RCAN2: variants seen among roughly 807,000 people sequenced by gnomAD.
The protein encoded by RCAN2 is calcipressin-2.
In RCAN2, 9 loss-of-function variants were observed where a neutral mutation model predicts 23.6. The observed-to-expected ratio is 0.38, with a 90% CI of 0.23 to 0.67. The LOEUF is 0.67. Among genes scored for constraint, RCAN2 ranks in the 30% least tolerant of loss-of-function variants. The pLI is 0.51. For missense variants in RCAN2, 273 were observed against 302.3 expected, an observed-to-expected ratio of 0.90 and a Z score of 0.72; for synonymous variants, 109 against 115.7, an observed-to-expected ratio of 0.94 and a Z score of 0.37.
At chr6:46,385,576 G>C (rs959966374) in intron 2 of RCAN2, among the ~76,000 whole-genome samples, 5 of 152,090 alleles carry the variant, frequency 3.3e-5, no homozygotes, top group Admixed American at 6.5e-5. Flanking sequence ...TAAATGTAGG[G>C]CTGGGCACAG....
intron 2 of RCAN2, among the ~76,000 whole-genome samples, chr6:46,431,662 C>T (rs1164967519): frequency 6.6e-6 from 1 of 152,174 alleles, no homozygotes; most frequent in Non-Finnish European, 1.5e-5. Context: ...TAAAAGTCCT[C>T]ACATAAATAA....
chr6:46,344,173 T>C (rs1328201311), intron 2 of RCAN2, among the ~76,000 whole-genome samples: 2 of 152,226 alleles, frequency 1.3e-5, no homozygotes, highest in Admixed American at 6.5e-5. Context: ...CATTGAGTTA[T>C]ACACATAAAA....
At chr6:46,267,317 A>T (rs1033970146) in intron 2 of RCAN2, among the ~76,000 whole-genome samples, 3 of 152,234 alleles carry the variant, frequency 2.0e-5, no homozygotes, top group African/African-American at 7.2e-5. Context: ...TACATTAAAG[A>T]TAATCACTGT....
intron 1 of RCAN2, among the ~76,000 whole-genome samples, chr6:46,472,317 C>T (rs995991052): frequency 3.3e-5 from 5 of 152,128 alleles, no homozygotes; most frequent in Admixed American, 6.5e-5. Context: ...TGTTTCCTGA[C>T]ATAAAAGCAC....
At position 46,410,494 on chromosome 6, in the gene RCAN2, AAAC is replaced by A. The variant is rs147622455; in HGVS notation, c.225+46255_225+46257del. ...ATTGGTGAGAAAAATTCAGAGCAGG[AAAC>A]AACAAGTGAAGTATTTGACATCGTC... On this transcript the variant is annotated intron_variant, in intron 2 of 4. Transcript: ENST00000371374. Among the ~76,000 whole-genome samples, 1,176 of 152,338 alleles carry A rather than the reference AAAC, an allele frequency of 7.7e-3. 8 individuals carry two copies. Among genetic ancestry groups the A allele is most frequent in the African/African-American group, 0.022 (920 of 41,572 alleles).
intron 1 of RCAN2, among the ~76,000 whole-genome samples, chr6:46,465,774 C>T (rs1255256973): frequency 2.0e-5 from 3 of 152,162 alleles, no homozygotes; most frequent in African/African-American, 2.4e-5. Context: ...GCACAGGGCG[C>T]AGTGCAGAGG....
intron 1 of RCAN2, among the ~76,000 whole-genome samples, chr6:46,485,125 A>T (rs1365508381): frequency 6.6e-6 from 1 of 152,198 alleles, no homozygotes; most frequent in Non-Finnish European, 1.5e-5. Context: ...CATAGAAAAA[A>T]ATTGTGCTCA....
At chr6:46,279,381 T>C (rs1428326491) in intron 2 of RCAN2, among the ~76,000 whole-genome samples, 1 of 152,218 alleles carries the variant, frequency 6.6e-6, no homozygotes, top group African/African-American at 2.4e-5. Context: ...TGCTTTAACC[T>C]TGGCACTATT....
intron 1 of RCAN2, among the ~76,000 whole-genome samples, chr6:46,469,746 C>T (rs915636098): frequency 6.6e-6 from 1 of 152,130 alleles, no homozygotes; most frequent in Non-Finnish European, 1.5e-5. Flanking sequence ...GGTGTTGAAA[C>T]TTAATGGCCA....
At chr6:46,476,178 G>A (rs2150444409) in intron 1 of RCAN2, among the ~76,000 whole-genome samples, 1 of 152,254 alleles carries the variant, frequency 6.6e-6, no homozygotes, top group East Asian at 1.9e-4. Flanking sequence ...GAAAACTGAA[G>A]CTCAGTTGCT....
At chr6:46,267,387 A>G (rs188696478) in intron 2 of RCAN2, among the ~76,000 whole-genome samples, 1 of 152,312 alleles carries the variant, frequency 6.6e-6, no homozygotes, top group East Asian at 1.9e-4. Context: ...ATCAGAAAAA[A>G]AGAATTAAAG....
intron 2 of RCAN2, among the ~76,000 whole-genome samples, chr6:46,343,897 C>A (rs1764407616): frequency 6.6e-6 from 1 of 152,068 alleles, no homozygotes; most frequent in Non-Finnish European, 1.5e-5. Context: ...GTTTATTCAT[C>A]AATTAAAAGG....
At chr6:46,368,484 G>C (rs895139714) in intron 2 of RCAN2, among the ~76,000 whole-genome samples, 3 of 152,110 alleles carry the variant, frequency 2.0e-5, no homozygotes, top group Admixed American at 2.0e-4. Flanking sequence ...AGGCAATTTT[G>C]TTATTGTATG....
chr6:46,283,109 C>T (rs1449080483), intron 2 of RCAN2, among the ~76,000 whole-genome samples: 1 of 152,092 alleles, frequency 6.6e-6, no homozygotes, highest in Non-Finnish European at 1.5e-5. Flanking sequence ...GGCTGAGTGA[C>T]CAAGGCAGCA....
intron 2 of RCAN2, among the ~76,000 whole-genome samples, chr6:46,417,350 G>C (rs1766740774): frequency 1.3e-5 from 2 of 152,136 alleles, no homozygotes; most frequent in South Asian, 2.1e-4. Context: ...TTACCTCAAA[G>C]AGCTCTCACG....
intron 4 of RCAN2, among the ~76,000 whole-genome samples, chr6:46,227,762 GT>G (rs1277976954): frequency 5.9e-5 from 9 of 152,016 alleles, no homozygotes; most frequent in Non-Finnish European, 1.3e-4. Flanking sequence ...TTTTTGAAGG[GT>G]TTTTTTGTGT....
rs78037683 is a variant in RCAN2, at chr6:46,260,494, G to T, written c.226-11598C>A. ...AGGAAGAGGAGCAAGTGAGGGGATT[G>T]CTTGGAACCTGTCCTGGAAGCTGTC... On this transcript the variant is annotated intron_variant, in intron 2 of 4. Transcript: ENST00000371374. 5.0e-3 allele frequency among the ~76,000 whole-genome samples: 754 copies of T among 152,260 alleles called. 4 individuals carry two copies. The highest frequency in any genetic ancestry group is 0.016 in the African/African-American group (670 of 41,544).
At chr6:46,417,200 CA>C (rs1766737654) in intron 2 of RCAN2, among the ~76,000 whole-genome samples, 1 of 152,138 alleles carries the variant, frequency 6.6e-6, no homozygotes, top group Admixed American at 6.5e-5. Context: ...TATTGTCCAA[CA>C]GCTTTTCAGA....
At chr6:46,437,450 T>G (rs944381234) in intron 2 of RCAN2, among the ~76,000 whole-genome samples, 5 of 152,186 alleles carry the variant, frequency 3.3e-5, no homozygotes, top group Non-Finnish European at 5.9e-5. Context: ...TGTTTAAAAA[T>G]TGGGTAAAGT....
Sources: allele counts gnomAD v4.1 joint callset (sites outside exome capture counted in the v4.1 genomes callset), GRCh38; gene constraint gnomAD v4.1.1; transcripts MANE v1.5; gene names NCBI Gene and HGNC (gene_info 2026-07-23, HGNC 2026-07-21).